Variants in ULK4 observed in about 807,000 individuals in gnomAD.
ULK4 encodes inactive serine/threonine-protein kinase ULK4.
Under a neutral mutation model 160.6 loss-of-function variants are expected in ULK4, and 133 were observed. The ratio of observed to expected loss-of-function variants is 0.83; its 90% CI spans 0.72 to 0.96. The LOEUF (loss-of-function observed/expected upper bound fraction) is 0.96. Ranked by LOEUF, ULK4 falls within the 40% of genes least tolerant of loss-of-function variation. ULK4 has a pLI of 0.00. For synonymous variants in ULK4, 534 were observed against 539.8 expected, an observed-to-expected ratio of 0.99 and a Z score of 0.15; for missense variants, 1,580 against 1,499.5, an observed-to-expected ratio of 1.05 and a Z score of -0.89.
chr3:41,811,560 T>C (rs560134230), intron 19 of ULK4, among the ~76,000 whole-genome samples: 3 of 152,376 alleles, frequency 2.0e-5, no homozygotes, highest in African/African-American at 7.2e-5. Context: ...CTTCATTTTA[T>C]TGATACGTAG....
At chr3:41,901,397 G>A (rs900890636) in intron 12 of ULK4, among the ~76,000 whole-genome samples, 45 of 150,188 alleles carry the variant, frequency 3.0e-4, no homozygotes, top group Non-Finnish European at 4.6e-4. Context: ...AGCCAGGATG[G>A]TCTCAATCTC....
chr3:41,320,722 G>A (rs1393957351), intron 35 of ULK4, among the ~76,000 whole-genome samples: 1 of 126,428 alleles, frequency 7.9e-6, no homozygotes, highest in Admixed American at 8.2e-5. Flanking sequence ...TTCCAGATCA[G>A]CCTGGCCAAC....
chr3:41,952,007 C>T (rs979476799), intron 2 of ULK4, among the ~76,000 whole-genome samples: 4 of 152,176 alleles, frequency 2.6e-5, no homozygotes, highest in Non-Finnish European at 5.9e-5. Context: ...TTTGTCTTAG[C>T]AGCCCAAACA....
At chr3:41,873,692 T>C (rs762389327) in intron 17 of ULK4, among the ~76,000 whole-genome samples, 8 of 152,082 alleles carry the variant, frequency 5.3e-5, no homozygotes, top group Non-Finnish European at 1.0e-4. Context: ...TAACTGAGAT[T>C]ACAGGCATGC....
At chr3:41,311,103 C>T (rs779645721) in intron 35 of ULK4, among the ~76,000 whole-genome samples, 3 of 152,220 alleles carry the variant, frequency 2.0e-5, no homozygotes, top group Middle Eastern at 3.4e-3. Flanking sequence ...ACTTGGCTGA[C>T]CCATAGTACT....
intron 17 of ULK4, among the ~76,000 whole-genome samples, chr3:41,859,849 T>TTTTTTTGAGACAG (rs2042457253): frequency 7.6e-6 from 1 of 132,012 alleles, no homozygotes; most frequent in African/African-American, 3.2e-5. Flanking sequence ...TTTTTTTTTT[T>TTTTTTTGAGACAG]AGTAGAAACA....
At position 41,935,432 on chromosome 3, in the gene ULK4, T is replaced by C. The variant is rs542439023; in HGVS notation, c.378+369A>G. ...TTTTAGTTGAGATGGGGTTTCACCA[T>C]GTTGGCCAGGATGGTCTCCATCTCT... On this transcript the variant is annotated intron_variant, in intron 4 of 36. Coordinates refer to ENST00000301831, the MANE Select transcript of ULK4 (RefSeq NM_017886.4). 3.4e-3 allele frequency among the ~76,000 whole-genome samples: 524 copies of C among 152,058 alleles called. 2 individuals carry two copies. The highest frequency in any genetic ancestry group is 0.012 in the African/African-American group (496 of 41,462).
intron 32 of ULK4, among the ~76,000 whole-genome samples, chr3:41,540,600 A>G (rs9853225): frequency 0.85 from 129,043 of 152,160 alleles, 55,185 homozygotes; most frequent in Middle Eastern, 0.91. Flanking sequence ...CTAGATCCTT[A>G]AGGAATCACC....
chr3:41,786,527 G>GC (rs2040001313), intron 21 of ULK4, among the ~76,000 whole-genome samples: 1 of 148,028 alleles, frequency 6.8e-6, no homozygotes, highest in Admixed American at 6.8e-5. Context: ...AGCCCAGAAG[G>GC]CCAAGGCTAC....
At position 41,616,252 on chromosome 3, in the gene ULK4, G is replaced by T. The variant is rs539958845; in HGVS notation, c.3072-535C>A. 3.9e-4 allele frequency among the ~76,000 whole-genome samples: 59 copies of T among 152,224 alleles called. 2 individuals carry two copies. The South Asian group carries it at 0.011, about 28-fold the overall frequency. ...TCAATTGTCATCAATTGTAATAGAA[G>T]AATTTTTTCATAAAAGAGAAAACAG... is the stretch of plus-strand genomic sequence containing the variant. On this transcript the variant is annotated intron_variant, in intron 30 of 36. Coordinates refer to ENST00000301831, the MANE Select transcript of ULK4 (RefSeq NM_017886.4).
chr3:41,316,180 G>C (rs1034966320), intron 35 of ULK4, among the ~76,000 whole-genome samples: 16 of 152,178 alleles, frequency 1.1e-4, no homozygotes, highest in African/African-American at 3.9e-4. Flanking sequence ...TGTGAGCTAT[G>C]TCCATACAAT....
At chr3:41,835,064 T>G (rs2041712439) in intron 18 of ULK4, among the ~76,000 whole-genome samples, 1 of 152,138 alleles carries the variant, frequency 6.6e-6, no homozygotes, top group Non-Finnish European at 1.5e-5. Context: ...CTCAAAATCA[T>G]AACAATATCA....
Position 41,667,505 on chromosome 3 carries a change from A to T in ULK4, c.2979-3806T>A, listed in dbSNP as rs2035385291. On this transcript the variant is annotated intron_variant, in intron 29 of 36. Transcript: ENST00000301831. The stretch of plus-strand genomic sequence containing the variant: ...AGAGCAGCTAGTAATTGAGTCCTGC[A>T]CTCCTTTGAATGCAACTTAGCAGAA... Among the ~76,000 whole-genome samples, 3 of 152,182 alleles carry T rather than the reference A, an allele frequency of 2.0e-5. No individual in the cohort carries two copies. The South Asian group carries it at 6.2e-4, about 31-fold the overall frequency.
chr3:41,849,470 G>A (rs942614265), intron 17 of ULK4, among the ~76,000 whole-genome samples: 1 of 152,084 alleles, frequency 6.6e-6, no homozygotes, highest in South Asian at 2.1e-4. Flanking sequence ...AAAGGTCAAT[G>A]GCTGCCAGGG....
At chr3:41,741,045 G>A (rs1296176029) in intron 22 of ULK4, among the ~76,000 whole-genome samples, 1 of 151,864 alleles carries the variant, frequency 6.6e-6, no homozygotes, top group Non-Finnish European at 1.5e-5. Flanking sequence ...AGTCTAAAAA[G>A]ATGTGAACTT....
chr3:41,933,646 G>A (rs1699667017), intron 4 of ULK4, among the ~76,000 whole-genome samples: 1 of 151,766 alleles, frequency 6.6e-6, no homozygotes, highest in Non-Finnish European at 1.5e-5. Context: ...TACAGCCTCT[G>A]GGACAAACCC....
intron 35 of ULK4, among the ~76,000 whole-genome samples, chr3:41,376,760 G>T (rs1018426658): frequency 9.3e-5 from 14 of 150,294 alleles, no homozygotes; most frequent in African/African-American, 3.5e-4. Flanking sequence ...CCATGTTCAT[G>T]GGAAGGAAGA....
intron 30 of ULK4, among the ~76,000 whole-genome samples, chr3:41,651,136 C>T (rs562666072): frequency 4.4e-4 from 67 of 152,260 alleles, no homozygotes; most frequent in African/African-American, 1.5e-3. Context: ...CCTTCTGATG[C>T]TAAAATAATG....
intron 34 of ULK4, among the ~76,000 whole-genome samples, chr3:41,401,259 T>C (rs1184121040): frequency 6.6e-6 from 1 of 152,196 alleles, no homozygotes; most frequent in East Asian, 1.9e-4. Flanking sequence ...AAAGGTTTTA[T>C]AGTTTTATAT....
Sources: allele counts gnomAD v4.1 joint callset (sites outside exome capture counted in the v4.1 genomes callset), GRCh38; gene constraint gnomAD v4.1.1; transcripts MANE v1.5; gene names NCBI Gene and HGNC (gene_info 2026-07-23, HGNC 2026-07-21).